GLIPR1: variants seen among roughly 807,000 people sequenced by gnomAD.
The protein encoded by GLIPR1 is GLI pathogenesis related 1.
GLIPR1 carries 38 observed loss-of-function variants against 30.3 expected under a neutral mutation model. The ratio of observed to expected loss-of-function variants is 1.26; its 90% CI spans 0.97 to 1.65. The LOEUF (loss-of-function observed/expected upper bound fraction) is 1.65. Among genes scored for constraint, GLIPR1 ranks in the 40% most tolerant of loss-of-function variants. GLIPR1 has a pLI of 0.00. For synonymous variants in GLIPR1, 122 were observed against 110.6 expected, an observed-to-expected ratio of 1.10 and a Z score of -0.65; for missense variants, 285 against 326.5, an observed-to-expected ratio of 0.87 and a Z score of 0.98.
chr12:75,503,809 AC>A lies in GLIPR1; in HGVS notation c.*4832del. ...ACACACACACACAATATATATATAT[AC>A]ACATATCCCACCTGAAATACTTTCA... On this transcript the variant is annotated 3_prime_UTR_variant, in exon 6 of 6. Coordinates refer to ENST00000266659, the MANE Select transcript of GLIPR1 (RefSeq NM_006851.3). 9.2e-7 allele frequency: 1 copy of A among 1,081,920 alleles called. No homozygotes were observed. The highest frequency in any genetic ancestry group is 1.3e-6 in the Non-Finnish European group (1 of 741,886). The allele number at this position is 1,081,920 out of a possible 1,614,324, so 67.0% of individuals were successfully genotyped here. A position where few individuals can be genotyped will look rare whatever the true frequency, so the allele number is the denominator to read the frequency against.
At chr12:75,488,994 AT>A in intron 2 of GLIPR1, among the ~76,000 whole-genome samples, 1 of 152,346 alleles carries the variant, frequency 6.6e-6, no homozygotes, top group South Asian at 2.1e-4. Flanking sequence ...TGAGTAAAAA[AT>A]AATTTAAAAT....
At chr12:75,487,737 A>G (rs913475809) in intron 2 of GLIPR1, 1 of 456,254 alleles carries the variant, frequency 2.2e-6, no homozygotes, top group Non-Finnish European at 4.4e-6. Flanking sequence ...CTCTCCCTCC[A>G]GGTGTCACAG....
At position 75,499,028 on chromosome 12, in the gene GLIPR1, C is replaced by CT. The variant is rs771236109; in HGVS notation, c.*59dup. 3.6e-4 allele frequency: 451 copies of CT among 1,268,246 alleles called. No individual in the cohort carries two copies. Among genetic ancestry groups the CT allele is most frequent in the South Asian group, 5.3e-4 (33 of 61,958 alleles). 78.6% of individuals were successfully genotyped at this position (1,268,246 alleles called of 1,614,324 possible). ...AAAAACCAACCTCATTCACATATGGCTTTTTTTTTAACCAATAACAATTAG... is the reference window on the plus strand; with the variant it reads ...AAAAACCAACCTCATTCACATATGGCTTTTTTTTTTAACCAATAACAATTAG... On this transcript the variant is annotated 3_prime_UTR_variant, in exon 6 of 6. Transcript: ENST00000266659.
rs1477544540 is a variant in GLIPR1, at chr12:75,501,844, G to GTTAAATGTA, written c.*2869_*2877dup. The GTTAAATGTA allele has an allele frequency of 6.4e-7, 1 of 1,564,392 alleles. No individual in the cohort carries two copies. Among genetic ancestry groups the GTTAAATGTA allele is most frequent in the African/African-American group, 1.4e-5 (1 of 73,332 alleles). On this transcript the variant is annotated 3_prime_UTR_variant, in exon 6 of 6. Transcript: ENST00000266659. Reference sequence around the variant, plus strand: ...ACATTAATAAATAAAAAATATATCAGTTAAATGTATTTATAGTTAAATAAT... The same window carrying GTTAAATGTA: ...ACATTAATAAATAAAAAATATATCAGTTAAATGTATTAAATGTATTTATAGTTAAATAAT...
At position 75,501,998 on chromosome 12, in the gene GLIPR1, G is replaced by T. The variant is rs746830762; in HGVS notation, c.*3020G>T. On this transcript the variant is annotated 3_prime_UTR_variant, in exon 6 of 6. Transcript: ENST00000266659. The stretch of plus-strand genomic sequence containing the variant: ...ATTCACCACTAGCCAATTCTTTATC[G>T]ATCTGTTGAAAACGGTATTTACAAT... 15 of 1,609,536 alleles carry T rather than the reference G, an allele frequency of 9.3e-6. No homozygotes were observed. The highest frequency in any genetic ancestry group is 2.7e-5 in the African/African-American group (2 of 74,762).
In GLIPR1 at chr12:75,501,460, T is replaced by C. The variant is rs995030765; in HGVS notation, c.*2482T>C. The C allele has an allele frequency of 5.7e-6, 2 of 351,454 alleles. No individual in the cohort carries two copies. Among genetic ancestry groups the C allele is most frequent in the Non-Finnish European group, 1.0e-5 (2 of 194,090 alleles). 21.8% of individuals were successfully genotyped at this position (351,454 alleles called of 1,614,324 possible). On this transcript the variant is annotated 3_prime_UTR_variant, in exon 6 of 6. Transcript: ENST00000266659. ...AGATGCACTGGCTGCCCTGGGTTTG[T>C]ATCTTTCACAACAAAGAGTCTTTTC... is the stretch of plus-strand genomic sequence containing the variant.
In GLIPR1 at chr12:75,503,283, T is replaced by G. The variant is rs540659790; in HGVS notation, c.*4305T>G. ...AGAGAATTAAGAGGAAACATGAATT[T>G]TGAATGAAATTAATCCAAAGATAAA... On this transcript the variant is annotated 3_prime_UTR_variant, in exon 6 of 6. Transcript: ENST00000266659. 6.6e-6 allele frequency: 1 copy of G among 152,162 alleles called. No individual in the cohort carries two copies. The highest frequency in any genetic ancestry group is 1.5e-5 in the Non-Finnish European group (1 of 67,952). 9.4% of individuals were successfully genotyped at this position (152,162 alleles called of 1,614,324 possible).
chr12:75,494,700 A>G (rs963444010), intron 3 of GLIPR1: 1 of 152,228 alleles, frequency 6.6e-6, no homozygotes, highest in African/African-American at 2.4e-5. Flanking sequence ...TTCCAAAAGC[A>G]GAGTTCCAAA....
chr12:75,495,348 TA>T (rs2046343991), intron 3 of GLIPR1: 1 of 409,030 alleles, frequency 2.4e-6, no homozygotes, highest in African/African-American at 2.0e-5. Flanking sequence ...CTGTCACAAT[TA>T]AATGGGATGC....
Position 75,503,811 on chromosome 12 carries a change from A to C in GLIPR1, c.*4833A>C, listed in dbSNP as rs2046410055. ...ACACACACACAATATATATATATAC[A>C]CATATCCCACCTGAAATACTTTCAA... On this transcript the variant is annotated 3_prime_UTR_variant, in exon 6 of 6. Coordinates refer to ENST00000266659, the MANE Select transcript of GLIPR1 (RefSeq NM_006851.3). 1.4e-5 allele frequency: 15 copies of C among 1,105,004 alleles called. No individual in the cohort carries two copies. Among genetic ancestry groups the C allele is most frequent in the Non-Finnish European group, 2.0e-5 (15 of 761,388 alleles). 68.4% of individuals were successfully genotyped at this position (1,105,004 alleles called of 1,614,324 possible).
Position 75,495,639 on chromosome 12 carries a change from A to T in GLIPR1, c.596A>T (p.Asp199Val), listed in dbSNP as rs1410672523. 1.2e-6 allele frequency: 2 copies of T among 1,608,634 alleles called. No homozygotes were observed. Among genetic ancestry groups the T allele is most frequent in the Admixed American group, 3.3e-5 (2 of 59,976 alleles). ...GATCSACPNN[D>V]KCLDNLCVNR... ...ACCTGCAGTGCCTGCCCCAATAATG[A>T]CAAGTGTTTGGACAATCTCTGTGGT... is the stretch of plus-strand genomic sequence containing the variant. The change falls in exon 4 of 6, where the codon GAC (aspartate) becomes GTC (valine). Residue 199 changes from aspartate to valine, a missense_variant. Transcript: ENST00000266659.
chr12:75,485,998 G>C (rs1594055962), intron 2 of GLIPR1, among the ~76,000 whole-genome samples: 2 of 152,072 alleles, frequency 1.3e-5, no homozygotes, highest in African/African-American at 4.8e-5. Context: ...CTTCCCTCTG[G>C]GTTCCCCAGG....
intron 3 of GLIPR1, chr12:75,491,762 G>A (rs2046324949): frequency 1.3e-5 from 2 of 152,068 alleles, no homozygotes; most frequent in Admixed American, 1.3e-4. Flanking sequence ...CATGTGGGCT[G>A]ACCATTTTTC....
At position 75,498,843 on chromosome 12, in the gene GLIPR1, T is replaced by A; in HGVS notation, c.666T>A (p.Tyr222Ter). The A allele has an allele frequency of 6.2e-7, 1 of 1,612,760 alleles. No homozygotes were observed. The highest frequency in any genetic ancestry group is 1.1e-5 in the South Asian group (1 of 90,986). Residue 222 changes from tyrosine to a stop codon, truncating the protein, a stop_gained, in exon 6 of 6, where the codon TAT becomes TAA. Coordinates refer to ENST00000266659, the MANE Select transcript of GLIPR1 (RefSeq NM_006851.3). LOFTEE classifies it low-confidence loss of function (END_TRUNC). ...DQVKRYYSVVYPGWPIYPRNR... is the reference protein window; with the variant it reads ...DQVKRYYSVV ...TCACAGGTTACTACTCTGTTGTATATCCAGGCTGGCCCATATATCCACGTA... is the reference window on the plus strand; with the variant it reads ...TCACAGGTTACTACTCTGTTGTATAACCAGGCTGGCCCATATATCCACGTA...
Position 75,481,904 on chromosome 12 carries a change from G to T in GLIPR1, c.245G>T (p.Arg82Leu), listed in dbSNP as rs150528235. ...ASNCQFSHNT[R>L]LKPPHKLHPN... is the part of the protein sequence containing the mutation. The stretch of plus-strand genomic sequence containing the variant: ...AATTGCCAGTTTTCACATAATACAC[G>T]GCTGAAGCCACCCCACAAGCTGCAC... The change falls in exon 2 of 6, where the codon CGG becomes CTG. Residue 82 changes from arginine (R) to leucine (L), a missense_variant. Transcript: ENST00000266659. 5.6e-6 allele frequency: 9 copies of T among 1,614,096 alleles called. No homozygotes were observed. Among genetic ancestry groups the T allele is most frequent in the Non-Finnish European group, 7.6e-6 (9 of 1,180,020 alleles).
At chr12:75,498,493 A>C (rs2046365810) in intron 4 of GLIPR1, 1 of 516,354 alleles carries the variant, frequency 1.9e-6, no homozygotes, top group East Asian at 3.0e-5. Context: ...AGGTTTATAA[A>C]GTTTATGTAA....
chr12:75,490,567 C>CA lies in GLIPR1; in HGVS notation c.533+58dup, dbSNP rs752149449. Reference sequence around the variant, plus strand: ...TATAGGAAACGCCCCCCCCCCCCCGCAAAAAAAAACAACAACAAAAAAAAA... The same window carrying CA: ...TATAGGAAACGCCCCCCCCCCCCCGCAAAAAAAAAACAACAACAAAAAAAAA... On this transcript the variant is annotated intron_variant, in intron 3 of 5. Coordinates refer to ENST00000266659, the MANE Select transcript of GLIPR1 (RefSeq NM_006851.3). 277 of 85,750 alleles carry CA rather than the reference C, an allele frequency of 3.2e-3. 2 individuals carry two copies. Among genetic ancestry groups the CA allele is most frequent in the South Asian group, 4.4e-3 (29 of 6,652 alleles). 5.3% of individuals were successfully genotyped at this position (85,750 alleles called of 1,614,324 possible). A position where few individuals can be genotyped will look rare whatever the true frequency, so the allele number is the denominator to read the frequency against.
intron 2 of GLIPR1, among the ~76,000 whole-genome samples, 181 bp from the exon 3 acceptor site, chr12:75,490,225 A>ACACACACACACC (rs1457804345): frequency 6.7e-6 from 1 of 149,214 alleles, no homozygotes; most frequent in African/African-American, 2.5e-5. Context: ...ACACACACAC[A>ACACACACACACC]CACACACACC....
intron 2 of GLIPR1, among the ~76,000 whole-genome samples, chr12:75,485,652 G>A (rs2046290686): frequency 6.7e-6 from 1 of 149,988 alleles, no homozygotes; most frequent in African/African-American, 2.4e-5. Context: ...CCGGGTTCAC[G>A]CCATTCTCCT....
Sources: allele counts gnomAD v4.1 joint callset (sites outside exome capture counted in the v4.1 genomes callset), GRCh38; gene constraint gnomAD v4.1.1; transcripts MANE v1.5; gene names NCBI Gene and HGNC (gene_info 2026-07-23, HGNC 2026-07-21).